VGLL4: variants seen among roughly 807,000 people sequenced by gnomAD.
VGLL4 encodes transcription cofactor vestigial-like protein 4.
Under a neutral mutation model 21.0 loss-of-function variants are expected in VGLL4, and 7 were observed. That is an observed-to-expected ratio of 0.33 (90% CI 0.19 to 0.63). The LOEUF (loss-of-function observed/expected upper bound fraction) is 0.63, where lower values mean the gene tolerates loss of function less well. Ranked by LOEUF, VGLL4 falls within the 20% of genes least tolerant of loss-of-function variation. VGLL4 has a pLI of 0.78. For synonymous variants in VGLL4, 222 were observed against 173.2 expected, an observed-to-expected ratio of 1.28 and a Z score of -2.21; for missense variants, 394 against 425.7, an observed-to-expected ratio of 0.93 and a Z score of 0.66.
At chr3:11,632,805 G>A (rs1411680988) in intron 1 of VGLL4, among the ~76,000 whole-genome samples, 2 of 152,098 alleles carry the variant, frequency 1.3e-5, no homozygotes, top group Non-Finnish European at 2.9e-5. Context: ...CATAAAGTCA[G>A]GGATCTTGCT....
chr3:11,629,043 A>G (rs1192715940), intron 1 of VGLL4, among the ~76,000 whole-genome samples: 2 of 152,230 alleles, frequency 1.3e-5, no homozygotes, highest in African/African-American at 2.4e-5. Flanking sequence ...TGCCATAGCT[A>G]TAGGAAAAAT....
At chr3:11,590,293 A>G (rs1003023459) in intron 2 of VGLL4, among the ~76,000 whole-genome samples, 2 of 152,170 alleles carry the variant, frequency 1.3e-5, no homozygotes, top group African/African-American at 4.8e-5. Flanking sequence ...ATGCAGCAAG[A>G]TTTCAGTTCT....
At chr3:11,625,824 A>G (rs1421581388) in intron 1 of VGLL4, among the ~76,000 whole-genome samples, 1 of 152,158 alleles carries the variant, frequency 6.6e-6, no homozygotes, top group Non-Finnish European at 1.5e-5. Context: ...TATTCCATTT[A>G]TATGAAATGC....
chr3:11,646,234 C>T (rs751241836), upstream of VGLL4, among the ~76,000 whole-genome samples: 9 of 152,218 alleles, frequency 5.9e-5, no homozygotes, highest in Non-Finnish European at 8.8e-5. Flanking sequence ...ACTCAAAACT[C>T]GTAACATCCA....
rs377239577 is a variant in VGLL4 at position 11,626,094 on chromosome 3, T to C, written c.82+17343A>G. On this transcript the variant is annotated intron_variant, in intron 1 of 4. Coordinates refer to ENST00000430365, the MANE Select transcript of VGLL4 (RefSeq NM_001128219.3). ...TAAAAATCTTAACTTAAAGAAACTA[T>C]CATCTTTTAAAAGCTATAGCAGAAA... Among the ~76,000 whole-genome samples the C allele has an allele frequency of 1.8e-4, 28 of 152,314 alleles. No homozygotes were observed. The South Asian group carries it at 5.6e-3, about 30-fold the overall frequency.
chr3:11,643,340 A>G, intron 1 of VGLL4, 97 bp downstream of exon 1: 1 of 1,588,210 alleles, frequency 6.3e-7, no homozygotes, highest in Admixed American at 1.7e-5. Flanking sequence ...TACACCCCGG[A>G]GGAGGACAGC....
chr3:11,665,742 G>A (rs149857150), intron 2 of VGLL4, among the ~76,000 whole-genome samples: 35 of 152,374 alleles, frequency 2.3e-4, no homozygotes, highest in African/African-American at 7.0e-4. Context: ...CACTGTGCTA[G>A]GCACTGGAGA....
chr3:11,659,724 G>A (rs1317529798), intron 2 of VGLL4, among the ~76,000 whole-genome samples: 1 of 152,214 alleles, frequency 6.6e-6, no homozygotes, highest in Non-Finnish European at 1.5e-5. Context: ...AAGCAGGTTT[G>A]AGGAATGCGG....
chr3:11,588,944 G>C (rs989763346), intron 2 of VGLL4, among the ~76,000 whole-genome samples: 3 of 152,226 alleles, frequency 2.0e-5, no homozygotes, highest in Non-Finnish European at 4.4e-5. Context: ...ACGGGTTCAT[G>C]TGTGACTTGG....
At position 11,703,183 on chromosome 3, in the gene VGLL4, G is replaced by C. The variant is rs186114284; in HGVS notation, c.-13-136C>G. The C allele has an allele frequency of 5.1e-4, 372 of 731,212 alleles. 1 individual carries two copies. The African/African-American group carries it at 6.4e-3, about 12-fold the overall frequency. 45.3% of individuals were successfully genotyped at this position (731,212 alleles called of 1,614,324 possible). Reference sequence around the variant, plus strand: ...TAAGGATGAAATTCTTCCCACATGAGGAAACAGAATGGGCTTGGTTCAGGG... The same window carrying C: ...TAAGGATGAAATTCTTCCCACATGACGAAACAGAATGGGCTTGGTTCAGGG... On this transcript the variant is annotated intron_variant, in intron 1 of 5. Transcript: ENST00000273038.
chr3:11,665,388 C>T (rs904059025), intron 2 of VGLL4, among the ~76,000 whole-genome samples: 1 of 152,214 alleles, frequency 6.6e-6, no homozygotes, highest in Non-Finnish European at 1.5e-5. Flanking sequence ...GCTGGGATTA[C>T]AGGCCTGAGC....
chr3:11,700,607 T>C (rs2076668167), intron 2 of VGLL4, among the ~76,000 whole-genome samples: 1 of 152,040 alleles, frequency 6.6e-6, no homozygotes, highest in Admixed American at 6.6e-5. Flanking sequence ...CTAATCCTCA[T>C]CAGATCACAT....
rs910622377 is a variant in VGLL4, at chr3:11,601,825, G to A, written c.272+8C>T. ...CCCTTAAGCCAAAATAAGAACAGAG[G>A]AACTCACAGATGGGGGTTGAAGATG... On this transcript the variant is annotated splice_region_variant and intron_variant, in intron 2 of 4. Transcript: ENST00000430365. 6 of 1,613,312 alleles carry A rather than the reference G, an allele frequency of 3.7e-6. No homozygotes were observed. In the African/African-American group the frequency reaches 5.3e-5, roughly 14 times the overall value.
At chr3:11,601,286 G>C (rs577907693) in intron 2 of VGLL4, among the ~76,000 whole-genome samples, 1 of 152,346 alleles carries the variant, frequency 6.6e-6, no homozygotes, top group South Asian at 2.1e-4. Flanking sequence ...GTGGCACCTT[G>C]TCATGAGCAT....
intron 2 of VGLL4, among the ~76,000 whole-genome samples, chr3:11,651,194 T>G (rs1018823881): frequency 6.6e-6 from 1 of 151,772 alleles, no homozygotes; most frequent in African/African-American, 2.4e-5. Flanking sequence ...TACAAAAAAA[T>G]TAGCCAAGTG....
intron 2 of VGLL4, among the ~76,000 whole-genome samples, chr3:11,664,336 C>G (rs1056719491): frequency 3.9e-5 from 6 of 152,158 alleles, no homozygotes; most frequent in Non-Finnish European, 7.3e-5. Flanking sequence ...CAGTGCACTA[C>G]TTTTGGATAG....
chr3:11,672,516 T>C (rs1033830188), intron 2 of VGLL4, among the ~76,000 whole-genome samples: 1 of 152,246 alleles, frequency 6.6e-6, no homozygotes, highest in African/African-American at 2.4e-5. Context: ...CCAGCACAGA[T>C]GCAGCTTTCC....
intron 2 of VGLL4, chr3:11,702,778 G>T: frequency 1.8e-5 from 6 of 337,962 alleles, no homozygotes; most frequent in East Asian, 5.1e-5. Flanking sequence ...CCATAGTTAA[G>T]TGCCAGTTAA....
At chr3:11,638,909 A>G (rs2075636939) in intron 1 of VGLL4, among the ~76,000 whole-genome samples, 1 of 152,226 alleles carries the variant, frequency 6.6e-6, no homozygotes, top group South Asian at 2.1e-4. Context: ...TCCATTCCAG[A>G]AAATTAATTT....
Sources: gnomAD v4.1 joint callset for allele counts (sites outside exome capture counted in the v4.1 genomes callset) on GRCh38, gnomAD v4.1.1 for gene constraint, MANE v1.5 for transcripts, NCBI Gene and HGNC (gene_info 2026-07-23, HGNC 2026-07-21) for gene names.